The following DPP10 variants were observed in gnomAD, a reference collection of about 807,000 sequenced individuals.
DPP10 encodes the protein dipeptidyl peptidase like 10.
In DPP10, 33 loss-of-function variants were observed where a neutral mutation model predicts 120.9. The ratio of observed to expected loss-of-function variants is 0.27; its 90% CI spans 0.21 to 0.37. The LOEUF (loss-of-function observed/expected upper bound fraction) is 0.37, where lower values mean the gene tolerates loss of function less well. Ranked by LOEUF, DPP10 falls within the 10% of genes least tolerant of loss-of-function variation. DPP10 has a pLI of 1.00. For missense variants in DPP10, 816 were observed against 942.8 expected (o/e 0.87, Z 1.76); for synonymous variants, 337 against 326.1 (o/e 1.03, Z -0.36).
intron 1 of DPP10, among the ~76,000 whole-genome samples, chr2:114,923,497 T>G: frequency 9.5e-6 from 1 of 105,370 alleles, no homozygotes; most frequent in East Asian, 3.1e-4. Flanking sequence ...TTTTTTTTTT[T>G]TGACAGAGTC....
At chr2:114,564,531 C>A (rs1689054718) in intron 1 of DPP10, among the ~76,000 whole-genome samples, 1 of 152,122 alleles carries the variant, frequency 6.6e-6, no homozygotes, top group Non-Finnish European at 1.5e-5. Flanking sequence ...AGGTACCCGG[C>A]AGATCACAGG....
At chr2:115,366,577 G>C (rs2065091046) in intron 3 of DPP10, among the ~76,000 whole-genome samples, 1 of 151,950 alleles carries the variant, frequency 6.6e-6, no homozygotes, top group African/African-American at 2.4e-5. Context: ...CAGTTAATTG[G>C]CTTATCTACC....
intron 5 of DPP10, among the ~76,000 whole-genome samples, chr2:115,531,053 A>G (rs1243375549): frequency 6.6e-6 from 1 of 152,014 alleles, no homozygotes; most frequent in African/African-American, 2.4e-5. Context: ...TAATCCTTAT[A>G]TCTTTTATTC....
intron 1 of DPP10, among the ~76,000 whole-genome samples, chr2:115,080,385 C>A (rs1708174816): frequency 6.6e-6 from 1 of 152,102 alleles, no homozygotes; most frequent in Non-Finnish European, 1.5e-5. Flanking sequence ...GTTATTTCTT[C>A]CTTGTAAGCT....
At chr2:115,255,259 AC>A (rs1213336372) in intron 1 of DPP10, among the ~76,000 whole-genome samples, 1 of 152,130 alleles carries the variant, frequency 6.6e-6, no homozygotes, top group African/African-American at 2.4e-5. Flanking sequence ...CAGCCTCTGT[AC>A]CCGTGGCCTG....
At chr2:114,923,757 C>T (rs925353142) in intron 1 of DPP10, among the ~76,000 whole-genome samples, 1 of 151,472 alleles carries the variant, frequency 6.6e-6, no homozygotes, top group East Asian at 1.9e-4. Flanking sequence ...TGAGCCACCG[C>T]ACCTGGCCTT....
intron 1 of DPP10, among the ~76,000 whole-genome samples, chr2:114,742,593 G>A (rs963039442): frequency 6.6e-6 from 1 of 152,058 alleles, no homozygotes; most frequent in Non-Finnish European, 1.5e-5. Flanking sequence ...ATACTAATAT[G>A]AGCATTCCCT....
chr2:115,314,323 G>A (rs192135146), intron 2 of DPP10, among the ~76,000 whole-genome samples: 20 of 152,314 alleles, frequency 1.3e-4, no homozygotes, highest in African/African-American at 4.8e-4. Flanking sequence ...CCGAGACAGA[G>A]TCATCACACT....
At chr2:114,594,894 T>C (rs1691778836) in intron 1 of DPP10, among the ~76,000 whole-genome samples, 1 of 152,066 alleles carries the variant, frequency 6.6e-6, no homozygotes, top group Non-Finnish European at 1.5e-5. Flanking sequence ...TCGGTCTTTC[T>C]CTCATGTTCC....
intron 5 of DPP10, among the ~76,000 whole-genome samples, chr2:115,672,970 A>T (rs1200351113): frequency 6.6e-6 from 1 of 152,066 alleles, no homozygotes; most frequent in Non-Finnish European, 1.5e-5. Context: ...GCTGGTCTCA[A>T]ACTCCTGACC....
chr2:115,051,702 T>C (rs1183236834), intron 1 of DPP10, among the ~76,000 whole-genome samples: 1 of 152,148 alleles, frequency 6.6e-6, no homozygotes, highest in Non-Finnish European at 1.5e-5. Context: ...AAAGACAATT[T>C]ATGGCAGTAA....
At chr2:115,384,918 G>A (rs1001932070) in intron 3 of DPP10, among the ~76,000 whole-genome samples, 1 of 152,130 alleles carries the variant, frequency 6.6e-6, no homozygotes, top group African/African-American at 2.4e-5. Flanking sequence ...TTGAATCCTG[G>A]TGGTGGTTTC....
chr2:115,368,294 G>A (rs1361576346), intron 3 of DPP10, among the ~76,000 whole-genome samples: 3 of 152,074 alleles, frequency 2.0e-5, no homozygotes, highest in Non-Finnish European at 4.4e-5. Context: ...TTTCCTTCTG[G>A]TAGCCCCTGG....
At chr2:115,800,292 T>C (rs1685046748) in intron 19 of DPP10, among the ~76,000 whole-genome samples, 1 of 151,968 alleles carries the variant, frequency 6.6e-6, no homozygotes, top group Admixed American at 6.6e-5. Context: ...GTTTGTTTTT[T>C]TCTTGTAAAT....
intron 1 of DPP10, among the ~76,000 whole-genome samples, chr2:114,863,504 A>G (rs983577473): frequency 2.0e-5 from 3 of 151,828 alleles, no homozygotes; most frequent in Admixed American, 6.6e-5. Flanking sequence ...CCGTATCTTC[A>G]CTCTTCCATT....
intron 1 of DPP10, among the ~76,000 whole-genome samples, chr2:114,515,916 G>A (rs1175265708): frequency 6.6e-6 from 1 of 151,764 alleles, no homozygotes; most frequent in South Asian, 2.1e-4. Context: ...TTAATTCTCC[G>A]CATGCTGAGA....
chr2:114,754,185 A>AC (rs1679514951), intron 1 of DPP10, among the ~76,000 whole-genome samples: 1 of 152,070 alleles, frequency 6.6e-6, no homozygotes. Flanking sequence ...TAATCATGGG[A>AC]CAGGGTAAGG....
At chr2:115,106,863 C>G (rs2048971031) in intron 1 of DPP10, among the ~76,000 whole-genome samples, 1 of 152,058 alleles carries the variant, frequency 6.6e-6, no homozygotes, top group African/African-American at 2.4e-5. Context: ...ATCATGAGGT[C>G]AGGAGATCGA....
chr2:114,977,571 T>C (rs1018000822), intron 1 of DPP10, among the ~76,000 whole-genome samples: 1 of 152,156 alleles, frequency 6.6e-6, no homozygotes, highest in Non-Finnish European at 1.5e-5. Flanking sequence ...CCAGCTCTCC[T>C]AGACAGGTAG....
Sources: allele counts gnomAD v4.1 joint callset (sites outside exome capture counted in the v4.1 genomes callset), GRCh38; gene constraint gnomAD v4.1.1; transcripts MANE v1.5; gene names NCBI Gene and HGNC (gene_info 2026-07-23, HGNC 2026-07-21).